Variants in OCA2 observed in about 807,000 individuals in gnomAD.
OCA2 encodes OCA2 melanosomal transmembrane protein.
Under a neutral mutation model 100.2 loss-of-function variants are expected in OCA2, and 77 were observed. That is an observed-to-expected ratio of 0.77 (90% CI 0.64 to 0.93). The LOEUF (loss-of-function observed/expected upper bound fraction) is 0.93. Among genes scored for constraint, OCA2 ranks in the 40% least tolerant of loss-of-function variants. The probability of loss-of-function intolerance (pLI) is 0.00; values close to 1 mark genes in which losing one functional copy is unlikely to be tolerated. For missense variants in OCA2, 1,062 were observed against 1,089.1 expected, an observed-to-expected ratio of 0.98 and a Z score of 0.35; for synonymous variants, 432 against 439.2, an observed-to-expected ratio of 0.98 and a Z score of 0.21.
chr15:27,901,329 C>G (rs1431435381), intron 19 of OCA2, among the ~76,000 whole-genome samples: 1 of 152,226 alleles, frequency 6.6e-6, no homozygotes, highest in African/African-American at 2.4e-5. Flanking sequence ...CTGCTGGCAG[C>G]TCTCCCATCT....
chr15:27,886,970 TG>T (rs1001572672), intron 19 of OCA2, among the ~76,000 whole-genome samples: 3 of 152,170 alleles, frequency 2.0e-5, no homozygotes, highest in Non-Finnish European at 4.4e-5. Context: ...GGGAGGGACC[TG>T]GTGGGAGATA....
chr15:28,003,445 G>A lies in OCA2; in HGVS notation c.1044+11331C>T, dbSNP rs865780101. The stretch of plus-strand genomic sequence containing the variant: ...CTGGCGGTCCCCACCCAGGACGCCC[G>A]TCCGTGCCCCACGCGCGCTGCCGCG... On this transcript the variant is annotated intron_variant, in intron 9 of 23. Transcript: ENST00000354638. 1.3e-4 allele frequency among the ~76,000 whole-genome samples: 20 copies of A among 152,308 alleles called. No individual in the cohort carries two copies. In the Middle Eastern group the frequency reaches 0.01, roughly 78 times the overall value.
intron 23 of OCA2, among the ~76,000 whole-genome samples, chr15:27,785,747 C>A (rs1175632812): frequency 6.6e-6 from 1 of 152,100 alleles, no homozygotes; most frequent in Non-Finnish European, 1.5e-5. Context: ...TGGGTATATA[C>A]CCCAGTGAAA....
In OCA2 at chr15:27,966,751, C is replaced by T. The variant is rs151046206; in HGVS notation, c.1575G>A (p.Pro525=). The change falls in exon 15 of 24, where the codon CCG becomes CCA. Residue 525 remains proline, a synonymous_variant. Transcript: ENST00000354638. ...TGTTCCAGTAAAGGAGTCTGAGGAGCGGAAAGCAGACCAGGAGAACAAGGC... is the reference window on the plus strand; with the variant it reads ...TGTTCCAGTAAAGGAGTCTGAGGAGTGGAAAGCAGACCAGGAGAACAAGGC... ...GICLVLLVCF[P]LLRLLYWNRK... The T allele has an allele frequency of 3.2e-5, 52 of 1,613,694 alleles. No homozygotes were observed. Among genetic ancestry groups the T allele is most frequent in the Non-Finnish European group, 3.6e-5 (43 of 1,179,976 alleles).
In OCA2 at chr15:27,951,720, G is replaced by A. The variant is rs1168425480; in HGVS notation, c.1951+64C>T. 34 of 1,184,280 alleles carry A rather than the reference G, an allele frequency of 2.9e-5. No individual in the cohort carries two copies. In the Admixed American group the frequency reaches 6.0e-4, roughly 21 times the overall value. 73.4% of individuals were successfully genotyped at this position (1,184,280 alleles called of 1,614,324 possible). Reference sequence around the variant, plus strand: ...TGGGCAAAGTCAGTGTCTGGGAACAGGCTCTGAAACCTTCCCATCCAGAAT... The same window carrying A: ...TGGGCAAAGTCAGTGTCTGGGAACAAGCTCTGAAACCTTCCCATCCAGAAT... On this transcript the variant is annotated intron_variant, in intron 18 of 23. Transcript: ENST00000354638.
intron 19 of OCA2, among the ~76,000 whole-genome samples, chr15:27,873,192 A>T (rs2036653680): frequency 6.6e-6 from 1 of 152,216 alleles, no homozygotes. Context: ...TTAGAGCCAG[A>T]TCGTTCTTGG....
At chr15:27,943,720 C>T (rs1300669800) in intron 18 of OCA2, among the ~76,000 whole-genome samples, 3 of 150,030 alleles carry the variant, frequency 2.0e-5, no homozygotes, top group Non-Finnish European at 1.5e-5. Context: ...CATATCTTAA[C>T]CCAGGCTCTT....
chr15:27,939,369 G>A (rs1033699882), intron 18 of OCA2, among the ~76,000 whole-genome samples: 2 of 152,042 alleles, frequency 1.3e-5, no homozygotes, highest in South Asian at 2.1e-4. Flanking sequence ...TCAATTTCTG[G>A]TACCCTCGGG....
At chr15:27,724,600 C>G in the OCA2 span, among the ~76,000 whole-genome samples, 1 of 152,044 alleles carries the variant, frequency 6.6e-6, no homozygotes, top group Non-Finnish European at 1.5e-5. Context: ...GGGCTTCATG[C>G]GAATGTTGCT....
At chr15:27,776,974 T>TGGGGGGGGG (rs368182175) in intron 23 of OCA2, among the ~76,000 whole-genome samples, 2 of 43,194 alleles carry the variant, frequency 4.6e-5, no homozygotes, top group Non-Finnish European at 7.2e-5. Flanking sequence ...GAGCGTGAGG[T>TGGGGGGGGG]GGGGGGGGGT....
intron 2 of OCA2, among the ~76,000 whole-genome samples, chr15:28,076,338 A>G (rs1276365557): frequency 6.6e-6 from 1 of 152,232 alleles, no homozygotes; most frequent in African/African-American, 2.4e-5. Flanking sequence ...ATTTATCTTC[A>G]TTATTTTTAA....
At chr15:27,969,741 T>C (rs1042180191) in intron 14 of OCA2, among the ~76,000 whole-genome samples, 1 of 152,106 alleles carries the variant, frequency 6.6e-6, no homozygotes, top group Middle Eastern at 3.2e-3. Context: ...ATTCATAATC[T>C]ACATACATTT....
At chr15:27,971,901 G>C (rs2040804738) in intron 14 of OCA2, among the ~76,000 whole-genome samples, 1 of 152,024 alleles carries the variant, frequency 6.6e-6, no homozygotes, top group Non-Finnish European at 1.5e-5. Context: ...TGAAGTCTGG[G>C]ATTTTAGTGC....
At chr15:27,774,010 C>A (rs1042797996) in intron 23 of OCA2, among the ~76,000 whole-genome samples, 1 of 152,190 alleles carries the variant, frequency 6.6e-6, no homozygotes, top group Non-Finnish European at 1.5e-5. Flanking sequence ...CATGTACATT[C>A]CATAATCTGT....
chr15:27,912,233 C>T (rs552993598), intron 19 of OCA2, among the ~76,000 whole-genome samples: 17 of 152,160 alleles, frequency 1.1e-4, no homozygotes, highest in South Asian at 8.3e-4. Flanking sequence ...ATGCTGATTG[C>T]GGAGGCCTAG....
chr15:27,997,115 G>A (rs2041763215), intron 9 of OCA2, among the ~76,000 whole-genome samples: 1 of 72,274 alleles, frequency 1.4e-5, no homozygotes, highest in Non-Finnish European at 4.4e-5. Context: ...AGAAAAGAAA[G>A]GAAGGAAGGA....
chr15:27,728,398 T>C, the OCA2 span, among the ~76,000 whole-genome samples: 1 of 135,588 alleles, frequency 7.4e-6, no homozygotes, highest in Non-Finnish European at 1.5e-5. Context: ...CTTACCCCCT[T>C]TTTTTTTTCT....
chr15:27,918,524 C>G (rs960887669), intron 19 of OCA2, among the ~76,000 whole-genome samples: 4 of 152,160 alleles, frequency 2.6e-5, no homozygotes, highest in African/African-American at 9.7e-5. Flanking sequence ...CAAAAAGTGC[C>G]TCTTTCAATT....
chr15:27,786,128 T>C (rs991309089), intron 23 of OCA2, among the ~76,000 whole-genome samples: 1 of 152,208 alleles, frequency 6.6e-6, no homozygotes, highest in Non-Finnish European at 1.5e-5. Flanking sequence ...TGACTATCCT[T>C]TTCCAATTGA....
Sources: gnomAD v4.1 joint callset for allele counts (sites outside exome capture counted in the v4.1 genomes callset) on GRCh38, gnomAD v4.1.1 for gene constraint, MANE v1.5 for transcripts, NCBI Gene and HGNC (gene_info 2026-07-23, HGNC 2026-07-21) for gene names.